The following RAP1GAP2 variants were observed in gnomAD, a reference collection of about 807,000 sequenced individuals.
The protein encoded by RAP1GAP2 is rap1 GTPase-activating protein 2.
Under a neutral mutation model 95.0 loss-of-function variants are expected in RAP1GAP2, and 27 were observed. The ratio of observed to expected loss-of-function variants is 0.28; its 90% CI spans 0.21 to 0.39. The LOEUF (loss-of-function observed/expected upper bound fraction) is 0.39, where lower values mean the gene tolerates loss of function less well. RAP1GAP2 is among the 10% of genes least tolerant of loss of function. RAP1GAP2 has a pLI of 1.00. For synonymous variants in RAP1GAP2, 373 were observed against 380.9 expected, an observed-to-expected ratio of 0.98 and a Z score of 0.24; for missense variants, 771 against 970.0, an observed-to-expected ratio of 0.79 and a Z score of 2.72.
intron 1 of RAP1GAP2, among the ~76,000 whole-genome samples, chr17:2,778,733 G>A (rs1223671277): frequency 6.6e-6 from 1 of 152,198 alleles, no homozygotes; most frequent in Non-Finnish European, 1.5e-5. Context: ...TCCCCTCAAT[G>A]GGAGCCCGAG....
At chr17:2,840,735 C>T (rs762061257) in intron 2 of RAP1GAP2, among the ~76,000 whole-genome samples, 1 of 152,184 alleles carries the variant, frequency 6.6e-6, no homozygotes, top group Non-Finnish European at 1.5e-5. Context: ...CCGTGGCTCA[C>T]GCCTGTAATC....
At chr17:2,788,631 C>A (rs1272396330) in intron 1 of RAP1GAP2, among the ~76,000 whole-genome samples, 2 of 152,138 alleles carry the variant, frequency 1.3e-5, no homozygotes. Context: ...ATTTTGGAGG[C>A]CGAGAAGTCC....
At chr17:2,962,844 G>T (rs2044398685) in intron 5 of RAP1GAP2, 130 bp downstream of exon 5, 8 of 902,572 alleles carry the variant, frequency 8.9e-6, no homozygotes, top group Non-Finnish European at 1.3e-5. Flanking sequence ...TCGCACCACG[G>T]GCCGCTTCAC....
At position 3,003,903 on chromosome 17, in the gene RAP1GAP2, G is replaced by A. The variant is rs1050737443; in HGVS notation, c.1201-1466G>A. ...CCCTGTCCTCCGTGTGGCCCACAGGGCTCTGCTGTGGGACTGTCCAGCTGG... is the reference window on the plus strand; with the variant it reads ...CCCTGTCCTCCGTGTGGCCCACAGGACTCTGCTGTGGGACTGTCCAGCTGG... On this transcript the variant is annotated intron_variant, in intron 14 of 24. Transcript: ENST00000254695. This position sits in a 1 kb window ranked among gnomAD's most constrained non-coding sequence, Gnocchi z 4.1. Among the ~76,000 whole-genome samples the A allele has an allele frequency of 2.6e-5, 4 of 152,226 alleles. No homozygotes were observed. Among genetic ancestry groups the A allele is most frequent in the African/African-American group, 9.6e-5 (4 of 41,464 alleles).
intron 16 of RAP1GAP2, among the ~76,000 whole-genome samples, chr17:3,007,218 G>A (rs2046369729): frequency 6.6e-6 from 1 of 152,178 alleles, no homozygotes; most frequent in African/African-American, 2.4e-5. Context: ...AGATCCAGAA[G>A]GGCTTTGAGC....
intron 8 of RAP1GAP2, among the ~76,000 whole-genome samples, chr17:2,967,210 T>C (rs984874439): frequency 5.3e-5 from 8 of 151,440 alleles, no homozygotes; most frequent in African/African-American, 1.9e-4. Flanking sequence ...CTACTAAAAA[T>C]ACAAAAAAAA....
chr17:3,017,945 G>GTA, intron 17 of RAP1GAP2, 116 bp from the exon 18 acceptor site: 6 of 877,908 alleles, frequency 6.8e-6, no homozygotes, highest in East Asian at 2.9e-5. Context: ...GTGTGTGTGT[G>GTA]TGTATGTGTG....
At chr17:2,829,279 C>T (rs1209363827) in intron 2 of RAP1GAP2, among the ~76,000 whole-genome samples, 5 of 152,120 alleles carry the variant, frequency 3.3e-5, no homozygotes, top group South Asian at 2.1e-4. Context: ...CTACCATGCC[C>T]GGCCAATTAC....
chr17:2,954,978 T>C (rs547672042), intron 3 of RAP1GAP2, among the ~76,000 whole-genome samples: 163 of 152,354 alleles, frequency 1.1e-3, no homozygotes, highest in African/African-American at 3.7e-3. Flanking sequence ...TTTTATTGGC[T>C]GAATATTATT....
intron 1 of RAP1GAP2, among the ~76,000 whole-genome samples, chr17:2,785,174 G>T (rs2068744367): frequency 2.6e-5 from 4 of 152,174 alleles, no homozygotes; most frequent in East Asian, 1.9e-4. Flanking sequence ...GGGTTTGCAC[G>T]AGCCCAGCCT....
intron 11 of RAP1GAP2, among the ~76,000 whole-genome samples, chr17:2,987,106 T>G (rs1299291520): frequency 6.6e-6 from 1 of 152,136 alleles, no homozygotes; most frequent in African/African-American, 2.4e-5. Context: ...GATAAATGAG[T>G]TGGCCTGTCT....
intron 3 of RAP1GAP2, among the ~76,000 whole-genome samples, chr17:2,925,822 C>T (rs2042937834): frequency 6.6e-6 from 1 of 152,118 alleles, no homozygotes; most frequent in South Asian, 2.1e-4. Context: ...AGGGTCCAGT[C>T]AGCGTGGGTC....
chr17:2,787,976 T>C (rs1312740900), intron 1 of RAP1GAP2, among the ~76,000 whole-genome samples: 2 of 152,240 alleles, frequency 1.3e-5, no homozygotes, highest in African/African-American at 4.8e-5. Flanking sequence ...TGTACGCTTA[T>C]TCTGCAATGT....
At chr17:2,763,125 T>A (rs112769681) in intron 1 of RAP1GAP2, among the ~76,000 whole-genome samples, 8 of 152,314 alleles carry the variant, frequency 5.3e-5, no homozygotes, top group African/African-American at 1.9e-4. Flanking sequence ...CTTTTCCTTA[T>A]ATTCAATGCA....
chr17:2,852,089 G>A (rs1241576683), intron 2 of RAP1GAP2, among the ~76,000 whole-genome samples: 2 of 152,260 alleles, frequency 1.3e-5, no homozygotes, highest in Non-Finnish European at 2.9e-5. Flanking sequence ...GTGCTATAGC[G>A]CGGTGGGAGA....
In RAP1GAP2 at chr17:3,004,590, C is replaced by A. The variant is rs1199226531; in HGVS notation, c.1201-779C>A. 2.0e-5 allele frequency among the ~76,000 whole-genome samples: 3 copies of A among 152,246 alleles called. No homozygotes were observed. The highest frequency in any genetic ancestry group is 4.4e-5 in the Non-Finnish European group (3 of 68,042). ...TGGGGCCCGTCCCACGCCTGGGCGA[C>A]CCCCATGCAGCGAACCTCGAGGCCG... On this transcript the variant is annotated intron_variant, in intron 14 of 24. Coordinates refer to ENST00000254695, the MANE Select transcript of RAP1GAP2 (RefSeq NM_015085.5). The surrounding 1 kb of genome is among the most constrained non-coding windows in gnomAD (Gnocchi z 4.1).
At chr17:2,991,151 A>G (rs2045738443) in intron 11 of RAP1GAP2, 146 bp from the exon 12 acceptor site, 2 of 670,096 alleles carry the variant, frequency 3.0e-6, no homozygotes, top group Non-Finnish European at 5.2e-6. Context: ...TCTCCACCCC[A>G]GTCCCACTGA....
chr17:2,774,725 C>A (rs958147485), upstream of RAP1GAP2, among the ~76,000 whole-genome samples: 2 of 151,858 alleles, frequency 1.3e-5, no homozygotes, highest in Admixed American at 1.3e-4. Flanking sequence ...CCCACCTTGG[C>A]CTCCCAAAGT....
chr17:2,896,303 C>T (rs1041321351), intron 2 of RAP1GAP2, among the ~76,000 whole-genome samples: 1 of 152,182 alleles, frequency 6.6e-6, no homozygotes, highest in Non-Finnish European at 1.5e-5. Context: ...TGAGACACTA[C>T]CCTTGGTCCC....
Sources: allele counts gnomAD v4.1 joint callset (sites outside exome capture counted in the v4.1 genomes callset), GRCh38; gene constraint gnomAD v4.1.1; non-coding constraint Gnocchi (gnomAD v3.1); transcripts MANE v1.5; gene names NCBI Gene and HGNC (gene_info 2026-07-23, HGNC 2026-07-21).